The following ZMIZ1 variants were observed in gnomAD, a reference collection of about 807,000 sequenced individuals.
ZMIZ1 encodes zinc finger MIZ domain-containing protein 1.
ZMIZ1 carries 17 observed loss-of-function variants against 113.9 expected under a neutral mutation model. The ratio of observed to expected loss-of-function variants is 0.15; its 90% CI spans 0.10 to 0.22. The LOEUF is 0.22. Ranked by LOEUF, ZMIZ1 falls within the 10% of genes least tolerant of loss-of-function variation. ZMIZ1 has a pLI of 1.00. For synonymous variants in ZMIZ1, 607 were observed against 603.1 expected, an observed-to-expected ratio of 1.01 and a Z score of -0.09; for missense variants, 1,059 against 1,477.8, an observed-to-expected ratio of 0.72 and a Z score of 4.65.
chr10:79,121,953 C>A (rs1844309213), intron 2 of ZMIZ1, among the ~76,000 whole-genome samples: 1 of 152,108 alleles, frequency 6.6e-6, no homozygotes, highest in African/African-American at 2.4e-5. Flanking sequence ...AGAATTAGGG[C>A]CAGCTAAATA....
At chr10:79,151,367 T>C in intron 3 of ZMIZ1, among the ~76,000 whole-genome samples, 1 of 152,076 alleles carries the variant, frequency 6.6e-6, no homozygotes, top group Non-Finnish European at 1.5e-5. Flanking sequence ...GCCTTTTCCC[T>C]GTGAGGGAAA....
intron 14 of ZMIZ1, 22 bp from the exon 15 acceptor site, chr10:79,298,384 C>A: frequency 6.2e-7 from 1 of 1,604,022 alleles, no homozygotes; most frequent in Non-Finnish European, 8.5e-7. Flanking sequence ...ATAACTCGTG[C>A]GTGTCTTTTC....
At chr10:79,261,465 T>G (rs1406328262) in intron 7 of ZMIZ1, among the ~76,000 whole-genome samples, 1 of 151,994 alleles carries the variant, frequency 6.6e-6, no homozygotes, top group Non-Finnish European at 1.5e-5. Flanking sequence ...AAATGACGGC[T>G]CCCTCCCCCA....
At chr10:79,111,403 C>T (rs1843731913) in intron 1 of ZMIZ1, among the ~76,000 whole-genome samples, 1 of 152,182 alleles carries the variant, frequency 6.6e-6, no homozygotes, top group Non-Finnish European at 1.5e-5. Context: ...AGTGTGTGGG[C>T]AAAAGTTTGG....
chr10:79,132,037 G>A (rs1461004378), intron 2 of ZMIZ1, among the ~76,000 whole-genome samples: 1 of 152,180 alleles, frequency 6.6e-6, no homozygotes, highest in Non-Finnish European at 1.5e-5. Context: ...TGTCTGCACT[G>A]GGGAGTGTAA....
chr10:79,098,435 T>G (rs1241922964), intron 1 of ZMIZ1, among the ~76,000 whole-genome samples: 1 of 152,222 alleles, frequency 6.6e-6, no homozygotes, highest in Non-Finnish European at 1.5e-5. Flanking sequence ...GACCGCTCTG[T>G]GCCTCAGTTT....
In ZMIZ1 at chr10:79,161,239, G is replaced by GCCT. The variant is rs1405288328; in HGVS notation, c.-130-807_-130-805dup. 2.6e-5 allele frequency among the ~76,000 whole-genome samples: 4 copies of GCCT among 152,176 alleles called. No individual in the cohort carries two copies. In the East Asian group the frequency reaches 7.7e-4, roughly 29 times the overall value. On this transcript the variant is annotated intron_variant, in intron 3 of 24. Coordinates refer to ENST00000334512, the MANE Select transcript of ZMIZ1 (RefSeq NM_020338.4). Reference sequence around the variant, plus strand: ...GGAGCAGCGTCCCCACTGCTCTTCTGCCTCCTCCTATTCCTCCAAGCCCTT... The same window carrying GCCT: ...GGAGCAGCGTCCCCACTGCTCTTCTGCCTCCTCCTCCTATTCCTCCAAGCCCTT...
intron 10 of ZMIZ1, 83 bp from the exon 11 acceptor site, chr10:79,292,075 A>G (rs1589578892): frequency 1.5e-6 from 2 of 1,354,348 alleles, no homozygotes; most frequent in Non-Finnish European, 2.1e-6. Flanking sequence ...CAGCTCCATC[A>G]TCTCCCTTCC....
rs59996693 is a variant in ZMIZ1 at position 79,277,118 on chromosome 10, G to C, written c.281-63G>C. 2.1e-3 allele frequency: 2,995 copies of C among 1,446,984 alleles called. 59 individuals carry two copies. In the African/African-American group the frequency reaches 0.04, roughly 20 times the overall value. 89.6% of individuals were successfully genotyped at this position (1,446,984 alleles called of 1,614,324 possible). ...CACCCAGTCTGGGGAGAGTTGGGGG[G>C]GGGTCTTGGTGTGGCAGAGCATGAT... is the stretch of plus-strand genomic sequence containing the variant. On this transcript the variant is annotated intron_variant, in intron 7 of 24. Transcript: ENST00000334512.
intron 8 of ZMIZ1, 138 bp from the exon 9 acceptor site, chr10:79,289,637 G>C (rs1853329540): frequency 1.4e-6 from 1 of 706,580 alleles, no homozygotes; most frequent in Non-Finnish European, 2.4e-6. Flanking sequence ...GACAGGCCTG[G>C]GGGGTCCAGT....
chr10:79,208,456 C>G lies in ZMIZ1; in HGVS notation c.174+7C>G. The G allele has an allele frequency of 6.2e-7, 1 of 1,610,462 alleles. No individual in the cohort carries two copies. Among genetic ancestry groups the G allele is most frequent in the East Asian group, 2.2e-5 (1 of 44,840 alleles). ...CCTGATGGGCTGTTTGACGGTGAGTCTGCACCCTGTCCGCCTGCATTCCTG... is the reference window on the plus strand; with the variant it reads ...CCTGATGGGCTGTTTGACGGTGAGTGTGCACCCTGTCCGCCTGCATTCCTG... On this transcript the variant is annotated splice_region_variant and intron_variant, in intron 6 of 24. Coordinates refer to ENST00000334512, the MANE Select transcript of ZMIZ1 (RefSeq NM_020338.4).
intron 7 of ZMIZ1, among the ~76,000 whole-genome samples, chr10:79,229,607 G>C (rs190408973): frequency 1.4e-4 from 22 of 152,152 alleles, no homozygotes; most frequent in African/African-American, 4.8e-4. Context: ...TTATAATGAC[G>C]GCAGAAACTC....
rs574776411 is a variant in ZMIZ1, at chr10:79,162,276, C to A, written c.-50+143C>A. On this transcript the variant is annotated intron_variant, in intron 4 of 24. Transcript: ENST00000334512. ...CAGGAGCGGGCACAAGCCACCTTTG[C>A]TGGGACCTCATCATGCCCCCAATGG... The A allele has an allele frequency of 2.2e-4, 89 of 396,714 alleles. 1 individual carries two copies. Among genetic ancestry groups the A allele is most frequent in the Non-Finnish European group, 1.6e-4 (37 of 225,372 alleles). 24.6% of individuals were successfully genotyped at this position (396,714 alleles called of 1,614,324 possible). A position where few individuals can be genotyped will look rare whatever the true frequency, so the allele number is the denominator to read the frequency against.
At chr10:79,181,381 C>T (rs1398900643) in intron 4 of ZMIZ1, among the ~76,000 whole-genome samples, 1 of 152,202 alleles carries the variant, frequency 6.6e-6, no homozygotes, top group African/African-American at 2.4e-5. Context: ...TCACTGGTGC[C>T]GTTTGTAGCC....
At chr10:79,094,592 A>G (rs888483907) in intron 1 of ZMIZ1, among the ~76,000 whole-genome samples, 2 of 152,130 alleles carry the variant, frequency 1.3e-5, no homozygotes, top group African/African-American at 4.8e-5. Context: ...CTGCTGTGGG[A>G]TGACAGAGTG....
At chr10:79,271,378 C>T (rs1851942964) in intron 7 of ZMIZ1, among the ~76,000 whole-genome samples, 1 of 152,224 alleles carries the variant, frequency 6.6e-6, no homozygotes, top group African/African-American at 2.4e-5. Context: ...AACGCGGTCC[C>T]ATCCATATGG....
At chr10:79,179,670 G>A (rs997139294) in intron 4 of ZMIZ1, among the ~76,000 whole-genome samples, 2 of 152,242 alleles carry the variant, frequency 1.3e-5, no homozygotes, top group African/African-American at 4.8e-5. Flanking sequence ...TTCTTCCCTG[G>A]GAAGGAGGGG....
chr10:79,150,092 CG>C (rs1564681475), intron 3 of ZMIZ1, among the ~76,000 whole-genome samples: 6 of 152,160 alleles, frequency 3.9e-5, no homozygotes. Context: ...GAAGCCAGGG[CG>C]GGGCTGGAGG....
intron 6 of ZMIZ1, 58 bp from the exon 7 acceptor site, chr10:79,216,111 C>A: frequency 1.6e-6 from 2 of 1,278,970 alleles, no homozygotes; most frequent in Non-Finnish European, 2.1e-6. Flanking sequence ...GCAAAATGGG[C>A]ATATCCATTG....
Sources: allele counts gnomAD v4.1 joint callset (sites outside exome capture counted in the v4.1 genomes callset), GRCh38; gene constraint gnomAD v4.1.1; transcripts MANE v1.5; gene names NCBI Gene and HGNC (gene_info 2026-07-23, HGNC 2026-07-21).